The following IL1RAPL1 variants were observed in gnomAD, a reference collection of about 807,000 sequenced individuals.
IL1RAPL1 encodes the protein interleukin-1 receptor accessory protein-like 1.
IL1RAPL1 carries 3 observed loss-of-function variants against 48.4 expected under a neutral mutation model. That is an observed-to-expected ratio of 0.06 (90% CI 0.03 to 0.16). The LOEUF (loss-of-function observed/expected upper bound fraction) is 0.16. IL1RAPL1 is among the 10% of genes least tolerant of loss of function. The pLI, the probability that IL1RAPL1 is intolerant of heterozygous loss-of-function variation, is 1.00. For missense variants in IL1RAPL1, 349 were observed against 530.6 expected (o/e 0.66, Z 3.36); for synonymous variants, 185 against 187.7 (o/e 0.99, Z 0.12).
chrX:29,308,793 G>A (rs1006191850), intron 3 of IL1RAPL1, among the ~76,000 whole-genome samples: 4 of 111,920 alleles, frequency 3.6e-5, no homozygotes, highest in African/African-American at 6.5e-5. Flanking sequence ...TTGTCCAAGC[G>A]TCCTGGCTTT....
intron 6 of IL1RAPL1, among the ~76,000 whole-genome samples, chrX:29,854,188 G>A (rs1219008194): frequency 1.8e-5 from 2 of 111,817 alleles, no homozygotes; most frequent in East Asian, 2.8e-4. Context: ...TTCACACACC[G>A]TTAAGGCTCT....
intron 2 of IL1RAPL1, among the ~76,000 whole-genome samples, chrX:28,867,565 C>T (rs1922108127): frequency 9.0e-6 from 1 of 111,676 alleles, no homozygotes; most frequent in Non-Finnish European, 1.9e-5. Context: ...TAACTTATTC[C>T]AGAATTTGTT....
chrX:29,047,237 G>C (rs779395467), intron 2 of IL1RAPL1, among the ~76,000 whole-genome samples: 23 of 112,633 alleles, frequency 2.0e-4, no homozygotes, highest in Non-Finnish European at 3.9e-4. Context: ...GCAGGGGCAA[G>C]TAAAACAAAA....
chrX:29,055,360 A>T (rs1159709448), intron 2 of IL1RAPL1, among the ~76,000 whole-genome samples: 1 of 111,596 alleles, frequency 9.0e-6, no homozygotes, highest in African/African-American at 3.3e-5. Flanking sequence ...AACTTCCAGA[A>T]CATGTTTTAT....
intron 2 of IL1RAPL1, among the ~76,000 whole-genome samples, chrX:29,200,200 T>A (rs1332135841): frequency 9.0e-6 from 1 of 111,113 alleles, no homozygotes; most frequent in African/African-American, 3.3e-5. Context: ...TTATAAGAAA[T>A]ACAGCATTCC....
intron 2 of IL1RAPL1, among the ~76,000 whole-genome samples, chrX:29,247,878 G>C (rs1209102446): frequency 9.0e-6 from 1 of 111,727 alleles, no homozygotes; most frequent in African/African-American, 3.3e-5. Flanking sequence ...TTATTTGGTG[G>C]TGGGGATGAC....
At chrX:29,259,029 G>C (rs535811447) in intron 2 of IL1RAPL1, among the ~76,000 whole-genome samples, 2 of 110,945 alleles carry the variant, frequency 1.8e-5, no homozygotes, top group East Asian at 5.7e-4. Flanking sequence ...ACACATATCA[G>C]ACCTTAGCTT....
At chrX:29,002,736 G>T (rs1925885661) in intron 2 of IL1RAPL1, among the ~76,000 whole-genome samples, 1 of 112,013 alleles carries the variant, frequency 8.9e-6, no homozygotes, top group Admixed American at 9.5e-5. Context: ...GTTGGTAAAA[G>T]ATGAGAAGTG....
intron 2 of IL1RAPL1, among the ~76,000 whole-genome samples, chrX:28,962,050 T>G (rs1301327380): frequency 8.9e-6 from 1 of 111,821 alleles, no homozygotes. Flanking sequence ...TTTTAGCCCT[T>G]AAGACATAGC....
chrX:29,415,854 A>T (rs1221756377), intron 5 of IL1RAPL1, among the ~76,000 whole-genome samples: 1 of 112,505 alleles, frequency 8.9e-6, no homozygotes, highest in Non-Finnish European at 1.9e-5. Context: ...AGACTTAATG[A>T]TGTTGTATCA....
At position 29,094,663 on chromosome X, in the gene IL1RAPL1, C is replaced by T. The variant is rs189423138; in HGVS notation, c.83-188275C>T. Among the ~76,000 whole-genome samples the T allele has an allele frequency of 8.3e-5, 8 of 96,175 alleles. No homozygotes were observed. In the East Asian group the frequency reaches 2.0e-3, roughly 24 times the overall value. The allele number at this position is 96,175 out of a possible 115,157, so 83.5% of individuals were successfully genotyped here. A position where few individuals can be genotyped will look rare whatever the true frequency, so the allele number is the denominator to read the frequency against. The stretch of plus-strand genomic sequence containing the variant: ...GCAGGTACCTGTAATCATAGCTACT[C>T]GGGAGGCTGAGGCAGGGGAATGGCT... On this transcript the variant is annotated intron_variant, in intron 2 of 10. Coordinates refer to ENST00000378993, the MANE Select transcript of IL1RAPL1 (RefSeq NM_014271.4).
chrX:29,008,310 G>GACTGCAGGCGCCCGCC (rs1555952005), intron 2 of IL1RAPL1, among the ~76,000 whole-genome samples: 26 of 110,576 alleles, frequency 2.4e-4, no homozygotes, highest in Non-Finnish European at 4.5e-4. Flanking sequence ...GGGTAGCTGG[G>GACTGCAGGCGCCCGCC]ACTACAGGCG....
chrX:29,420,382 T>A (rs1007037414), intron 5 of IL1RAPL1, among the ~76,000 whole-genome samples: 1 of 112,717 alleles, frequency 8.9e-6, no homozygotes, highest in Admixed American at 9.4e-5. Flanking sequence ...GTTTGAATGC[T>A]TCTTTCTACA....
chrX:29,359,877 C>A (rs1933353757), intron 3 of IL1RAPL1, among the ~76,000 whole-genome samples: 1 of 111,043 alleles, frequency 9.0e-6, no homozygotes, highest in African/African-American at 3.3e-5. Flanking sequence ...ACTTTGTAAC[C>A]CCTGGGTTAC....
Position 29,399,177 on chromosome X carries a change from G to C in IL1RAPL1, c.572G>C (p.Arg191Thr). ...TAGGAATGCAGGACAAAAACATGGA[G>C]GCCAAGTATTGTATTCAAAAGAGAT... Reference protein sequence around the residue: ...WYKECRTKTWRPSIVFKRDTL... With the variant: ...WYKECRTKTWTPSIVFKRDTL... The change falls in exon 5 of 11, where the codon AGG becomes ACG. Residue 191 changes from arginine to threonine, a missense_variant. Physicochemically the swap from Arg to Thr is moderately conservative, Grantham distance 71. Transcript: ENST00000378993. 3 of 1,205,705 alleles carry C rather than the reference G, an allele frequency of 2.5e-6. No individual in the cohort carries two copies. Among genetic ancestry groups the C allele is most frequent in the Non-Finnish European group, 3.4e-6 (3 of 890,193 alleles).
chrX:29,160,250 A>G (rs747391570), intron 2 of IL1RAPL1, among the ~76,000 whole-genome samples: 98 of 112,131 alleles, frequency 8.7e-4, no homozygotes, highest in African/African-American at 2.8e-3. Context: ...TTCACTTAGC[A>G]GTGAAAGTAA....
At chrX:29,949,312 G>C (rs1328767889) in intron 9 of IL1RAPL1, among the ~76,000 whole-genome samples, 1 of 111,849 alleles carries the variant, frequency 8.9e-6, no homozygotes, top group Non-Finnish European at 1.9e-5. Flanking sequence ...AAACATCAAA[G>C]CTTTTAGTTA....
intron 6 of IL1RAPL1, among the ~76,000 whole-genome samples, chrX:29,723,406 G>A (rs1020714216): frequency 4.7e-4 from 53 of 111,644 alleles, no homozygotes; most frequent in African/African-American, 1.7e-3. Flanking sequence ...TCGCCACCAC[G>A]CCTGGCTTAT....
intron 3 of IL1RAPL1, among the ~76,000 whole-genome samples, chrX:29,312,084 AT>A (rs960456913): frequency 8.9e-6 from 1 of 111,775 alleles, no homozygotes; most frequent in African/African-American, 3.3e-5. Context: ...CAGAATCAAA[AT>A]TTGTCATGGG....
Sources: gnomAD v4.1 joint callset for allele counts (sites outside exome capture counted in the v4.1 genomes callset) on GRCh38, gnomAD v4.1.1 for gene constraint, MANE v1.5 for transcripts, NCBI Gene and HGNC (gene_info 2026-07-23, HGNC 2026-07-21) for gene names.